Variants in C6orf52 observed in about 807,000 individuals in gnomAD.
C6orf52 encodes putative uncharacterized protein C6orf52.
A neutral mutation model predicts 16.6 loss-of-function variants in C6orf52; 16 were observed. The ratio of observed to expected loss-of-function variants is 0.96; its 90% CI spans 0.65 to 1.46. The LOEUF (loss-of-function observed/expected upper bound fraction) is 1.46. Among genes scored for constraint, C6orf52 ranks in the 40% most tolerant of loss-of-function variants. The pLI, the probability that C6orf52 is intolerant of heterozygous loss-of-function variation, is 0.00. For missense variants in C6orf52, 166 were observed against 182.3 expected (o/e 0.91, Z 0.52); for synonymous variants, 53 against 61.4 (o/e 0.86, Z 0.64).
chr6:10,684,992 G>A (rs907517164), intron 3 of C6orf52: 6 of 872,534 alleles, frequency 6.9e-6, no homozygotes, highest in African/African-American at 1.8e-5. Flanking sequence ...GTAATAATTC[G>A]GCCTGAGGGT....
At chr6:10,679,688 A>G (rs1421184858) in intron 4 of C6orf52, among the ~76,000 whole-genome samples, 1 of 152,062 alleles carries the variant, frequency 6.6e-6, no homozygotes, top group African/African-American at 2.4e-5. Context: ...CTTCCTTTCC[A>G]ACCTAGGAAC....
chr6:10,673,283 T>C (rs1300690504), intron 4 of C6orf52, among the ~76,000 whole-genome samples: 1 of 152,174 alleles, frequency 6.6e-6, no homozygotes, highest in African/African-American at 2.4e-5. Context: ...AAAACAGATA[T>C]AGTGTGGTCA....
chr6:10,684,568 A>T (rs1187322478), intron 3 of C6orf52, among the ~76,000 whole-genome samples: 1 of 152,230 alleles, frequency 6.6e-6, no homozygotes, highest in African/African-American at 2.4e-5. Context: ...CACATTTATA[A>T]AAGGCTTTCC....
intron 4 of C6orf52, among the ~76,000 whole-genome samples, chr6:10,680,859 G>A (rs763607496): frequency 3.3e-5 from 5 of 150,894 alleles, no homozygotes; most frequent in Non-Finnish European, 7.4e-5. Context: ...GACATGCAGT[G>A]GCACATTCAT....
At chr6:10,677,138 TCA>T (rs1172433360) in intron 4 of C6orf52, among the ~76,000 whole-genome samples, 3 of 152,366 alleles carry the variant, frequency 2.0e-5, no homozygotes, top group Non-Finnish European at 4.4e-5. Context: ...TCTAGTAGTT[TCA>T]CAGTTTTGGG....
chr6:10,694,606 G>C lies in C6orf52; in HGVS notation c.-124C>G. On this transcript the variant is annotated 5_prime_UTR_variant, in exon 1 of 5. Transcript: ENST00000259983. ...CCGGCGCTACAGCCCCTAAGCAACC[G>C]GCCGGAAGTCGGCCCCACCTCCTCC... is the stretch of plus-strand genomic sequence containing the variant. The C allele has an allele frequency of 5.9e-6, 1 of 169,824 alleles. No individual in the cohort carries two copies. The highest frequency in any genetic ancestry group is 1.3e-4 in the South Asian group (1 of 7,416). The allele number at this position is 169,824 out of a possible 1,614,324, so 10.5% of individuals were successfully genotyped here. A position where few individuals can be genotyped will look rare whatever the true frequency, so the allele number is the denominator to read the frequency against.
intron 1 of C6orf52, among the ~76,000 whole-genome samples, chr6:10,691,171 C>A (rs114602825): frequency 6.6e-6 from 1 of 152,294 alleles, no homozygotes; most frequent in African/African-American, 2.4e-5. Context: ...TAATGAGGTA[C>A]GCTTACACTA....
At chr6:10,691,111 G>A (rs756396565) in intron 1 of C6orf52, among the ~76,000 whole-genome samples, 3 of 152,134 alleles carry the variant, frequency 2.0e-5, no homozygotes, top group African/African-American at 4.8e-5. Context: ...CACTTCTCCA[G>A]ACATATCTCA....
At chr6:10,692,102 A>T (rs897526096) in intron 1 of C6orf52, among the ~76,000 whole-genome samples, 27 of 152,348 alleles carry the variant, frequency 1.8e-4, no homozygotes, top group African/African-American at 5.5e-4. Flanking sequence ...GAGACAGGGC[A>T]CCAGGGACAT....
At chr6:10,677,391 A>G (rs1024750735) in intron 4 of C6orf52, among the ~76,000 whole-genome samples, 22 of 150,470 alleles carry the variant, frequency 1.5e-4, no homozygotes, top group East Asian at 1.9e-4. Context: ...TTATTATGCC[A>G]GTATCATGCT....
intron 1 of C6orf52, among the ~76,000 whole-genome samples, chr6:10,693,023 T>A (rs946898465): frequency 2.0e-5 from 3 of 152,252 alleles, no homozygotes; most frequent in African/African-American, 7.2e-5. Flanking sequence ...GAAACAATAG[T>A]TTCTTTTAAA....
rs982010463 is a variant in C6orf52 at position 10,672,656 on chromosome 6, T to A, written c.317-1058A>T. 17 of 669,976 alleles carry A rather than the reference T, an allele frequency of 2.5e-5. 1 individual carries two copies. Among genetic ancestry groups the A allele is most frequent in the Non-Finnish European group, 3.7e-5 (14 of 373,796 alleles). The allele number at this position is 669,976 out of a possible 1,614,324, so 41.5% of individuals were successfully genotyped here. A position where few individuals can be genotyped will look rare whatever the true frequency, so the allele number is the denominator to read the frequency against. The stretch of plus-strand genomic sequence containing the variant: ...ACGTCACTACAAAATATAAAAATAA[T>A]TTTTTTTAAAAAAAGAGCAGAGAAC... On this transcript the variant is annotated intron_variant, in intron 4 of 4. Transcript: ENST00000259983.
chr6:10,672,727 T>C, intron 4 of C6orf52: 5 of 515,240 alleles, frequency 9.7e-6, no homozygotes. Flanking sequence ...AGGTCAAGTG[T>C]GGAAACAGCA....
intron 1 of C6orf52, among the ~76,000 whole-genome samples, chr6:10,689,582 G>A (rs2127471386): frequency 6.6e-6 from 1 of 152,326 alleles, no homozygotes; most frequent in South Asian, 2.1e-4. Context: ...GTGGCCAGGT[G>A]GTCAGTCTGG....
At chr6:10,674,105 C>T (rs1290350125) in intron 4 of C6orf52, among the ~76,000 whole-genome samples, 2 of 152,186 alleles carry the variant, frequency 1.3e-5, no homozygotes, top group Non-Finnish European at 2.9e-5. Context: ...TTCTGGGTTG[C>T]ACACTGCCCA....
At chr6:10,692,043 A>G (rs9467246) in intron 1 of C6orf52, among the ~76,000 whole-genome samples, 5,530 of 152,294 alleles carry the variant, frequency 0.036, 325 homozygotes, top group African/African-American at 0.12. Flanking sequence ...AGTGTATTAA[A>G]CAAGTATTAA....
chr6:10,694,756 C>A, upstream of C6orf52: 1 of 462,884 alleles, frequency 2.2e-6, no homozygotes, highest in Non-Finnish European at 3.9e-6. Context: ...CAGTGAGAAC[C>A]TCCTCATGTG....
chr6:10,674,583 A>G (rs904810841), intron 4 of C6orf52: 3 of 150,588 alleles, frequency 2.0e-5, no homozygotes, highest in South Asian at 2.1e-4. Context: ...CATAGTTATC[A>G]TTTTTCATTT....
chr6:10,682,403 A>G (rs1474062998), intron 4 of C6orf52, among the ~76,000 whole-genome samples: 3 of 152,216 alleles, frequency 2.0e-5, no homozygotes, highest in African/African-American at 7.2e-5. Context: ...TTTCTTTTCA[A>G]CACCAATTTG....
Sources: gnomAD v4.1 joint callset for allele counts (sites outside exome capture counted in the v4.1 genomes callset) on GRCh38, gnomAD v4.1.1 for gene constraint, MANE v1.5 for transcripts, NCBI Gene and HGNC (gene_info 2026-07-23, HGNC 2026-07-21) for gene names.